IL1RAPL2: variants seen among roughly 807,000 people sequenced by gnomAD.
IL1RAPL2 encodes the protein X-linked interleukin-1 receptor accessory protein-like 2.
IL1RAPL2 carries 3 observed loss-of-function variants against 44.1 expected under a neutral mutation model. That is an observed-to-expected ratio of 0.07 (90% CI 0.03 to 0.18). The LOEUF (loss-of-function observed/expected upper bound fraction) is 0.18. Ranked by LOEUF, IL1RAPL2 falls within the 10% of genes least tolerant of loss-of-function variation. The pLI, the probability that IL1RAPL2 is intolerant of heterozygous loss-of-function variation, is 1.00. For synonymous variants in IL1RAPL2, 181 were observed against 178.8 expected, an observed-to-expected ratio of 1.01 and a Z score of -0.10; for missense variants, 391 against 496.4, an observed-to-expected ratio of 0.79 and a Z score of 2.02.
intron 2 of IL1RAPL2, among the ~76,000 whole-genome samples, chrX:105,132,632 A>G (rs1160803159): frequency 9.0e-6 from 1 of 111,592 alleles, no homozygotes; most frequent in Non-Finnish European, 1.9e-5. Context: ...TTCCTTTCCA[A>G]AACAAATGAG....
intron 2 of IL1RAPL2, among the ~76,000 whole-genome samples, chrX:104,921,178 G>A (rs1191119400): frequency 9.0e-6 from 1 of 111,705 alleles, no homozygotes; most frequent in Non-Finnish European, 1.9e-5. Context: ...TTGAACCCTA[G>A]TAGAGCCCAA....
At chrX:105,109,170 C>T (rs1311348330) in intron 2 of IL1RAPL2, among the ~76,000 whole-genome samples, 2 of 112,166 alleles carry the variant, frequency 1.8e-5, no homozygotes, top group Non-Finnish European at 3.8e-5. Context: ...CCTCTCAGAA[C>T]CCATTTTCTT....
At chrX:104,776,851 A>G (rs1355716998) in intron 2 of IL1RAPL2, among the ~76,000 whole-genome samples, 4 of 111,598 alleles carry the variant, frequency 3.6e-5, no homozygotes, top group African/African-American at 1.3e-4. Flanking sequence ...ATATTTATGC[A>G]TTATCATTGA....
intron 5 of IL1RAPL2, among the ~76,000 whole-genome samples, chrX:105,276,071 A>G (rs1422097309): frequency 1.8e-5 from 2 of 112,371 alleles, no homozygotes; most frequent in Non-Finnish European, 3.8e-5. Context: ...ACGATTTACT[A>G]CTGATGTCTG....
At chrX:104,604,613 T>C (rs1401003953) in intron 1 of IL1RAPL2, among the ~76,000 whole-genome samples, 2 of 88,214 alleles carry the variant, frequency 2.3e-5, no homozygotes, top group Non-Finnish European at 4.3e-5. Flanking sequence ...TGGAGGAATA[T>C]TTACTGAGGA....
chrX:105,295,538 ACATGACC>A (rs951888644), intron 5 of IL1RAPL2, among the ~76,000 whole-genome samples: 6 of 111,888 alleles, frequency 5.4e-5, no homozygotes, highest in African/African-American at 1.9e-4. Context: ...GCCATGAGTT[ACATGACC>A]CATTAGTAGG....
At chrX:104,627,068 C>T (rs909473957) in intron 1 of IL1RAPL2, among the ~76,000 whole-genome samples, 12 of 109,676 alleles carry the variant, frequency 1.1e-4, no homozygotes, top group Admixed American at 9.8e-5. Context: ...CCGCCCGCCT[C>T]GGCCTTCTAA....
chrX:105,704,650 C>T (rs1343688487), intron 6 of IL1RAPL2, among the ~76,000 whole-genome samples: 2 of 111,155 alleles, frequency 1.8e-5, no homozygotes, highest in African/African-American at 6.5e-5. Flanking sequence ...TTCTGGGGTA[C>T]ATGTGCTGGA....
chrX:105,195,356 G>A, intron 2 of IL1RAPL2, 119 bp from the exon 3 acceptor site: 1 of 671,477 alleles, frequency 1.5e-6, no homozygotes, highest in Admixed American at 2.6e-5. Context: ...GGATTACTGG[G>A]AAGATTGAAT....
chrX:105,207,650 T>G (rs782248639), intron 3 of IL1RAPL2, among the ~76,000 whole-genome samples: 1 of 111,867 alleles, frequency 8.9e-6, no homozygotes, highest in Non-Finnish European at 1.9e-5. Context: ...CAAGAAGCTC[T>G]TTTTTGCCCT....
intron 1 of IL1RAPL2, among the ~76,000 whole-genome samples, chrX:104,588,620 A>G (rs143450305): frequency 1.3e-4 from 14 of 111,972 alleles, no homozygotes; most frequent in African/African-American, 4.5e-4. Context: ...TCTTGCTTTT[A>G]AAGGATGATC....
chrX:104,729,918 G>A (rs1953608586), intron 2 of IL1RAPL2, among the ~76,000 whole-genome samples: 1 of 110,966 alleles, frequency 9.0e-6, no homozygotes, highest in Non-Finnish European at 1.9e-5. Flanking sequence ...TGACCAGGGA[G>A]AAATGTAAAA....
chrX:105,643,954 C>G (rs1019459950), intron 6 of IL1RAPL2, among the ~76,000 whole-genome samples: 26 of 111,489 alleles, frequency 2.3e-4, no homozygotes, highest in African/African-American at 7.8e-4. Flanking sequence ...TGCAGTGGCA[C>G]GATCTCGGCT....
Position 104,875,585 on chromosome X carries a change from G to A in IL1RAPL2, c.82+216590G>A, listed in dbSNP as rs376035813. 8.1e-5 allele frequency among the ~76,000 whole-genome samples: 9 copies of A among 111,491 alleles called. No individual in the cohort carries two copies. In the East Asian group the frequency reaches 1.7e-3, roughly 21 times the overall value. ...TTCCACTTTTCTCCCATTCCCCGTA[G>A]TGCCTGACTTATACTATCCTTGGTC... On this transcript the variant is annotated intron_variant, in intron 2 of 10. Transcript: ENST00000372582.
chrX:105,195,804 G>A (rs1225524919), intron 3 of IL1RAPL2, 56 bp downstream of exon 3: 1 of 1,111,079 alleles, frequency 9.0e-7, no homozygotes, highest in East Asian at 3.0e-5. Context: ...TTTTGAGTGG[G>A]ACTTGAGTAC....
At chrX:105,429,323 T>A (rs1169332471) in intron 5 of IL1RAPL2, among the ~76,000 whole-genome samples, 1 of 112,105 alleles carries the variant, frequency 8.9e-6, no homozygotes, top group Non-Finnish European at 1.9e-5. Flanking sequence ...AGGAGCATCA[T>A]GAAAATATTC....
At chrX:105,026,793 C>A (rs1008217893) in intron 2 of IL1RAPL2, among the ~76,000 whole-genome samples, 1 of 109,928 alleles carries the variant, frequency 9.1e-6, no homozygotes, top group Non-Finnish European at 1.9e-5. Flanking sequence ...AAATGCAACC[C>A]CTATAAAAAT....
intron 5 of IL1RAPL2, among the ~76,000 whole-genome samples, chrX:105,350,646 C>G (rs2035145715): frequency 1.8e-5 from 2 of 111,924 alleles, no homozygotes; most frequent in Admixed American, 9.5e-5. Context: ...ATCGCTTGAA[C>G]CCAGGAGGCA....
intron 2 of IL1RAPL2, among the ~76,000 whole-genome samples, chrX:105,020,851 T>C: frequency 8.9e-6 from 1 of 111,877 alleles, no homozygotes; most frequent in Non-Finnish European, 1.9e-5. Flanking sequence ...TGACACCTCT[T>C]ATATAATGTA....
Sources: gnomAD v4.1 joint callset for allele counts (sites outside exome capture counted in the v4.1 genomes callset) on GRCh38, gnomAD v4.1.1 for gene constraint, MANE v1.5 for transcripts, NCBI Gene and HGNC (gene_info 2026-07-23, HGNC 2026-07-21) for gene names.